SGCD: variants seen among roughly 807,000 people sequenced by gnomAD.
SGCD encodes sarcoglycan delta.
SGCD carries 18 observed loss-of-function variants against 36.6 expected under a neutral mutation model. The ratio of observed to expected loss-of-function variants is 0.49; its 90% confidence interval spans 0.34 to 0.73. The LOEUF (loss-of-function observed/expected upper bound fraction) is 0.73. Ranked by LOEUF, SGCD falls within the 30% of genes least tolerant of loss-of-function variation. The pLI, the probability that SGCD is intolerant of heterozygous loss-of-function variation, is 0.01. For missense variants in SGCD, 387 were observed against 346.7 expected (o/e 1.12, Z -0.92); for synonymous variants, 133 against 130.6 (o/e 1.02, Z -0.12).
At chr5:156,392,775 C>T (rs1361454694) in intron 3 of SGCD, among the ~76,000 whole-genome samples, 3 of 152,146 alleles carry the variant, frequency 2.0e-5, no homozygotes, top group Non-Finnish European at 4.4e-5. Context: ...CCTTGGTGGC[C>T]TGTGCTCTCC....
At chr5:156,252,822 T>C (rs924317337) in intron 3 of SGCD, among the ~76,000 whole-genome samples, 3 of 152,208 alleles carry the variant, frequency 2.0e-5, no homozygotes, top group Non-Finnish European at 4.4e-5. Flanking sequence ...GCAGCCTATT[T>C]ATCCTGTGGC....
intron 3 of SGCD, among the ~76,000 whole-genome samples, chr5:156,415,596 G>T (rs867055253): frequency 6.6e-6 from 1 of 152,094 alleles, no homozygotes; most frequent in African/African-American, 2.4e-5. Context: ...CCATAATTCC[G>T]CATTTTAGAT....
intron 1 of SGCD, among the ~76,000 whole-genome samples, chr5:155,988,377 A>C (rs1416777550): frequency 6.6e-6 from 1 of 152,008 alleles, no homozygotes; most frequent in Non-Finnish European, 1.5e-5. Flanking sequence ...TCTGCTTCTC[A>C]TTGGCCAGAA....
chr5:156,054,286 T>C (rs1181610791), intron 1 of SGCD, among the ~76,000 whole-genome samples: 9 of 10,810 alleles, frequency 8.3e-4, no homozygotes, highest in Non-Finnish European at 3.8e-3. Flanking sequence ...CTTTCCTTCT[T>C]TTTTTTTTTT....
intron 7 of SGCD, among the ~76,000 whole-genome samples, chr5:156,691,284 A>C (rs954661893): frequency 6.6e-6 from 1 of 151,712 alleles, no homozygotes; most frequent in Non-Finnish European, 1.5e-5. Flanking sequence ...TACTAGGTAC[A>C]TGTGGCTATT....
chr5:156,372,153 C>G (rs1770419209), intron 3 of SGCD, among the ~76,000 whole-genome samples: 1 of 152,080 alleles, frequency 6.6e-6, no homozygotes, highest in Admixed American at 6.5e-5. Flanking sequence ...CCTCTTTGGA[C>G]CTCAGCTAGT....
chr5:156,012,008 C>G (rs1253186849), intron 1 of SGCD, among the ~76,000 whole-genome samples: 1 of 152,168 alleles, frequency 6.6e-6, no homozygotes, highest in Non-Finnish European at 1.5e-5. Context: ...TAAAACCTTA[C>G]TAGAGGTTAA....
chr5:156,383,330 C>G (rs542896306), intron 3 of SGCD, among the ~76,000 whole-genome samples: 2 of 152,066 alleles, frequency 1.3e-5, no homozygotes, highest in South Asian at 4.2e-4. Flanking sequence ...ATGGTGAAAC[C>G]CTGTCTCTAC....
At position 156,759,522 on chromosome 5, in the gene SGCD, G is replaced by A. The variant is rs954189649; in HGVS notation, c.*132G>A. The A allele has an allele frequency of 3.8e-5, 17 of 452,700 alleles. No individual in the cohort carries two copies. The highest frequency in any genetic ancestry group is 9.8e-5 in the African/African-American group (5 of 50,818). 28.0% of individuals were successfully genotyped at this position (452,700 alleles called of 1,614,324 possible). A position where few individuals can be genotyped will look rare whatever the true frequency, so the allele number is the denominator to read the frequency against. On this transcript the variant is annotated 3_prime_UTR_variant, in exon 9 of 9. Transcript: ENST00000337851. ...TGTGTGTATGTGTACGTGTGTGTGC[G>A]TGCTTGAGTGTGTTCGCGTGTGTGG...
intron 6 of SGCD, among the ~76,000 whole-genome samples, chr5:156,625,364 C>T (rs1561822806): frequency 6.6e-6 from 1 of 152,042 alleles, no homozygotes; most frequent in African/African-American, 2.4e-5. Context: ...AAAAAAAAGT[C>T]GTGATAAAAT....
chr5:155,776,945 A>G, the SGCD span, among the ~76,000 whole-genome samples: 17 of 152,280 alleles, frequency 1.1e-4, no homozygotes, highest in East Asian at 3.3e-3. Flanking sequence ...CACTTCATCA[A>G]TGAAACATCA....
At chr5:155,874,424 G>T (rs1755722732) in intron 1 of SGCD, among the ~76,000 whole-genome samples, 1 of 152,030 alleles carries the variant, frequency 6.6e-6, no homozygotes, top group African/African-American at 2.4e-5. Flanking sequence ...AAGTATAAAG[G>T]AAGAAGTCAT....
chr5:156,597,615 C>T (rs961717945), intron 6 of SGCD, among the ~76,000 whole-genome samples: 2 of 152,170 alleles, frequency 1.3e-5, no homozygotes, highest in Admixed American at 1.3e-4. Context: ...AGCGGAGACA[C>T]AGCCAAACCA....
chr5:156,710,090 A>G (rs1441885890), intron 7 of SGCD, among the ~76,000 whole-genome samples: 1 of 152,070 alleles, frequency 6.6e-6, no homozygotes, highest in East Asian at 1.9e-4. Flanking sequence ...AGTCTTATCC[A>G]CCAAAGGTTG....
chr5:156,699,732 A>T (rs900938048), intron 7 of SGCD, among the ~76,000 whole-genome samples: 1 of 151,834 alleles, frequency 6.6e-6, no homozygotes. Context: ...CAAGATCCAC[A>T]ATCACTCACT....
At chr5:156,448,940 A>C (rs1179315126) in intron 3 of SGCD, among the ~76,000 whole-genome samples, 2 of 151,324 alleles carry the variant, frequency 1.3e-5, no homozygotes, top group Admixed American at 1.3e-4. Flanking sequence ...TTTTTAGTAA[A>C]GACTGTTTTT....
At chr5:156,698,870 C>CAG (rs1436385348) in intron 7 of SGCD, among the ~76,000 whole-genome samples, 43 of 151,076 alleles carry the variant, frequency 2.8e-4, no homozygotes, top group African/African-American at 1.0e-3. Flanking sequence ...CACACACACA[C>CAG]ACACACACAC....
chr5:156,224,452 A>G (rs1360063116), intron 3 of SGCD, among the ~76,000 whole-genome samples: 1 of 152,148 alleles, frequency 6.6e-6, no homozygotes, highest in Non-Finnish European at 1.5e-5. Context: ...GACCAGATAG[A>G]TTTGTAGTGC....
At chr5:155,820,780 G>C in the SGCD span, among the ~76,000 whole-genome samples, 3 of 152,126 alleles carry the variant, frequency 2.0e-5, no homozygotes, top group Admixed American at 1.3e-4. Flanking sequence ...AAGAGTTGTG[G>C]TTATATCCCC....
Sources: gnomAD v4.1 joint callset for allele counts (sites outside exome capture counted in the v4.1 genomes callset) on GRCh38, gnomAD v4.1.1 for gene constraint, MANE v1.5 for transcripts, NCBI Gene and HGNC (gene_info 2026-07-23, HGNC 2026-07-21) for gene names.